ACSBG1: variants seen among roughly 807,000 people sequenced by gnomAD.
ACSBG1 encodes the protein long-chain-fatty-acid--CoA ligase ACSBG1.
In ACSBG1, 39 loss-of-function variants were observed where a neutral mutation model predicts 80.2. That is an observed-to-expected ratio of 0.49 (90% CI 0.38 to 0.64). The LOEUF is 0.64. Among genes scored for constraint, ACSBG1 ranks in the 30% least tolerant of loss-of-function variants. The probability of loss-of-function intolerance (pLI) is 0.00; values close to 1 mark genes in which losing one functional copy is unlikely to be tolerated. For missense variants in ACSBG1, 828 were observed against 966.4 expected, an observed-to-expected ratio of 0.86 and a Z score of 1.90; for synonymous variants, 392 against 379.5, an observed-to-expected ratio of 1.03 and a Z score of -0.38.
intron 1 of ACSBG1, among the ~76,000 whole-genome samples, chr15:78,225,349 C>T (rs937143822): frequency 2.0e-5 from 3 of 150,254 alleles, no homozygotes; most frequent in South Asian, 4.2e-4. Flanking sequence ...TGCAGTGAGC[C>T]GAGATCACGG....
intron 2 of ACSBG1, among the ~76,000 whole-genome samples, chr15:78,195,542 G>T (rs1324640478): frequency 6.6e-6 from 1 of 151,160 alleles, no homozygotes; most frequent in Non-Finnish European, 1.5e-5. Flanking sequence ...ACTTGGACAA[G>T]CCACTGAACC....
rs1395137397 is a variant in ACSBG1, at chr15:78,170,816, C to G, written c.*628G>C. The G allele has an allele frequency of 1.3e-5, 2 of 152,884 alleles. No homozygotes were observed. The highest frequency in any genetic ancestry group is 4.8e-5 in the African/African-American group (2 of 41,440). The allele number at this position is 152,884 out of a possible 1,614,324, so 9.5% of individuals were successfully genotyped here. ...CTACTCTCTGCACTGGTCCCACCTG[C>G]TCAATTGACAAAAAAAATCAGGTCC... On this transcript the variant is annotated 3_prime_UTR_variant, in exon 14 of 14. Coordinates refer to ENST00000258873, the MANE Select transcript of ACSBG1 (RefSeq NM_015162.5).
At chr15:78,194,401 C>T in intron 3 of ACSBG1, 105 bp downstream of exon 3, 1 of 1,070,302 alleles carries the variant, frequency 9.3e-7, no homozygotes, top group African/African-American at 1.6e-5. Context: ...GTTATTGTTC[C>T]TAAGAGCCTT....
chr15:78,185,347 C>A (rs893974727), intron 5 of ACSBG1, among the ~76,000 whole-genome samples: 1 of 152,146 alleles, frequency 6.6e-6, no homozygotes, highest in Non-Finnish European at 1.5e-5. Flanking sequence ...TGTTTCCCCC[C>A]ACCAGCATGG....
chr15:78,198,203 A>AT lies in ACSBG1; in HGVS notation c.233-3478dup, dbSNP rs1388855175. Among the ~76,000 whole-genome samples the AT allele has an allele frequency of 7.9e-5, 12 of 151,260 alleles. No individual in the cohort carries two copies. The South Asian group carries it at 1.0e-3, about 13-fold the overall frequency. On this transcript the variant is annotated intron_variant, in intron 2 of 13. Coordinates refer to ENST00000258873, the MANE Select transcript of ACSBG1 (RefSeq NM_015162.5). ...AGGCATGCACCACCATGTCTGGCTA[A>AT]TTTTTTTTGTATTTTTTGGTGGAGA... is the stretch of plus-strand genomic sequence containing the variant.
intron 2 of ACSBG1, 93 bp downstream of exon 2, chr15:78,207,909 T>G (rs535959987): frequency 9.5e-5 from 89 of 933,434 alleles, no homozygotes; most frequent in Admixed American, 2.0e-4. Flanking sequence ...CGCAGTTCTG[T>G]GTGGTGGTCC....
intron 1 of ACSBG1, among the ~76,000 whole-genome samples, chr15:78,215,730 GA>G (rs1039027413): frequency 2.2e-5 from 2 of 89,392 alleles, no homozygotes; most frequent in African/African-American, 9.1e-5. Flanking sequence ...GAAAGAGAAA[GA>G]AAGAAAGAAA....
At chr15:78,209,244 A>C (rs1384739227) in intron 1 of ACSBG1, 1 of 456,136 alleles carries the variant, frequency 2.2e-6, no homozygotes, top group South Asian at 1.5e-5. Flanking sequence ...CCATCTGCTT[A>C]AGAACCTGAG....
chr15:78,227,556 G>T (rs2075414644), intron 1 of ACSBG1, among the ~76,000 whole-genome samples: 1 of 152,176 alleles, frequency 6.6e-6, no homozygotes, highest in Admixed American at 6.5e-5. Flanking sequence ...AATACCCACT[G>T]TTGACAAAGA....
rs1249438466 is a variant in ACSBG1, at chr15:78,234,446, A to G, written c.56T>C (p.Leu19Pro). The G allele has an allele frequency of 3.7e-6, 6 of 1,612,938 alleles. No individual in the cohort carries two copies. Among genetic ancestry groups the G allele is most frequent in the Non-Finnish European group, 5.1e-6 (6 of 1,180,024 alleles). ...YGCPHGDPSM[L>P]DSRETPQESR... ...CTCCTGTGGGGTCTCTCTGCTGTCC[A>G]GCATGCTGGGGTCCCCGTGTGGGCA... is the stretch of plus-strand genomic sequence containing the variant. Residue 19 changes from leucine to proline, a missense_variant, in exon 1 of 14, where the codon CTG becomes CCG. Around this residue, in one of 3 missense-constraint regions of ACSBG1, gnomAD observed 356 missense variants for 363.5 expected, o/e 0.98. Transcript: ENST00000258873.
intron 2 of ACSBG1, among the ~76,000 whole-genome samples, chr15:78,199,080 A>G (rs2075142365): frequency 6.6e-6 from 1 of 151,748 alleles, no homozygotes; most frequent in South Asian, 2.1e-4. Context: ...GACATGGAAC[A>G]GCGCAATATT....
rs2074829704 is a variant in ACSBG1 at position 78,172,034 on chromosome 15, A to T, written c.2090-505T>A. 6.5e-6 allele frequency: 1 copy of T among 153,108 alleles called. No homozygotes were observed. The highest frequency in any genetic ancestry group is 2.4e-5 in the African/African-American group (1 of 41,472). The allele number at this position is 153,108 out of a possible 1,614,324, so 9.5% of individuals were successfully genotyped here. A position where few individuals can be genotyped will look rare whatever the true frequency, so the allele number is the denominator to read the frequency against. The stretch of plus-strand genomic sequence containing the variant: ...GTTGTGAGGATACACAGCCCATGAG[A>T]GGCCCACTGGCCACACACGGATGTT... On this transcript the variant is annotated intron_variant, in intron 13 of 13. Coordinates refer to ENST00000258873, the MANE Select transcript of ACSBG1 (RefSeq NM_015162.5). This position sits in a 1 kb window ranked among gnomAD's most constrained non-coding sequence, Gnocchi z 4.1.
intron 2 of ACSBG1, among the ~76,000 whole-genome samples, chr15:78,203,312 C>A (rs965558253): frequency 2.0e-5 from 3 of 152,178 alleles, no homozygotes; most frequent in African/African-American, 7.2e-5. Flanking sequence ...GTCTCTGTTG[C>A]CCAGCAAGGC....
rs578128874 is a variant in ACSBG1 at position 78,176,533 on chromosome 15, C to T, written c.1703-2009G>A. 2.6e-4 allele frequency among the ~76,000 whole-genome samples: 40 copies of T among 151,930 alleles called. No homozygotes were observed. The South Asian group carries it at 3.1e-3, about 12-fold the overall frequency. On this transcript the variant is annotated intron_variant, in intron 11 of 13. Coordinates refer to ENST00000258873, the MANE Select transcript of ACSBG1 (RefSeq NM_015162.5). ...TAGGAGAAAAAAAATTTTGCGGCAA[C>T]ATCTGAGCTGAAAAAAAAATTTTAA...
intron 2 of ACSBG1, 90 bp downstream of exon 2, chr15:78,207,912 G>A: frequency 1.1e-6 from 1 of 940,750 alleles, no homozygotes; most frequent in South Asian, 1.5e-5. Flanking sequence ...AGTTCTGTGT[G>A]GTGGTCCCCC....
chr15:78,179,631 A>T lies in ACSBG1; in HGVS notation c.1403T>A (p.Ile468Asn). 2 of 1,614,158 alleles carry T rather than the reference A, an allele frequency of 1.2e-6. No homozygotes were observed. Among genetic ancestry groups the T allele is most frequent in the Non-Finnish European group, 1.7e-6 (2 of 1,180,032 alleles). Residue 468 changes from isoleucine (I) to asparagine (N), a missense_variant, in exon 10 of 14, where the codon ATC (isoleucine) becomes AAC (asparagine). Physicochemically the swap from Ile to Asn is moderately radical, Grantham distance 149. Around this residue, in one of 3 missense-constraint regions of ACSBG1, gnomAD observed 271 missense variants for 375.9 expected, o/e 0.72. Transcript: ENST00000258873. ...ETQHFFLGLN[I>N]RLYAGYGLSE... ...GAGGCCGTAGCCCGCATACAAGCGG[A>T]TGTTGAGACCCAGGAAGAAGTGCTG...
At chr15:78,209,158 T>A in intron 1 of ACSBG1, 1 of 456,054 alleles carries the variant, frequency 2.2e-6, no homozygotes, top group Non-Finnish European at 4.4e-6. Context: ...CTTCTCACAT[T>A]CAGCCTCACT....
At chr15:78,173,227 C>T (rs1019185796) in intron 13 of ACSBG1, among the ~76,000 whole-genome samples, 5 of 151,832 alleles carry the variant, frequency 3.3e-5, no homozygotes, top group African/African-American at 1.2e-4. Flanking sequence ...TGCCTGTAAT[C>T]CCAGCTACTC....
At chr15:78,232,901 G>A (rs1567104105) in intron 1 of ACSBG1, among the ~76,000 whole-genome samples, 1 of 152,114 alleles carries the variant, frequency 6.6e-6, no homozygotes, top group Non-Finnish European at 1.5e-5. Flanking sequence ...GCTGGTCTCA[G>A]AACTCCTGAC....
Sources: allele counts gnomAD v4.1 joint callset (sites outside exome capture counted in the v4.1 genomes callset), GRCh38; gene constraint gnomAD v4.1.1; regional missense constraint gnomAD v4.1.1; non-coding constraint Gnocchi (gnomAD v3.1); transcripts MANE v1.5; gene names NCBI Gene and HGNC (gene_info 2026-07-23, HGNC 2026-07-21).